The following GDF1 variants were observed in gnomAD, a reference collection of about 807,000 sequenced individuals.
The protein encoded by GDF1 is growth differentiation factor 1, also known as embryonic growth/differentiation factor 1.
GDF1 carries 8 observed loss-of-function variants against 7.4 expected under a neutral mutation model. The observed-to-expected ratio is 1.09, with a 90% CI of 0.64 to 1.96. GDF1 has a LOEUF of 1.96. Among genes scored for constraint, GDF1 ranks in the 30% most tolerant of loss-of-function variants. GDF1 has a pLI of 0.00. For missense variants in GDF1, 574 were observed against 551.5 expected (o/e 1.04, Z -0.41); for synonymous variants, 311 against 276.7 (o/e 1.12, Z -1.23).
At chr19:18,891,782 G>T (rs57534766) in intron 2 of GDF1, among the ~76,000 whole-genome samples, 1,982 of 151,708 alleles carry the variant, frequency 0.013, 41 homozygotes, top group African/African-American at 0.041. Flanking sequence ...TGTTGCCCCA[G>T]CTGCTCTTGA....
chr19:18,873,691 T>C (rs1392070674), intron 6 of GDF1, among the ~76,000 whole-genome samples: 2 of 150,728 alleles, frequency 1.3e-5, no homozygotes, highest in Non-Finnish European at 3.0e-5. Flanking sequence ...AAAATACAAC[T>C]ATTAGCCAGG....
chr19:18,885,669 A>G (rs1031649887), intron 2 of GDF1, among the ~76,000 whole-genome samples: 10 of 147,444 alleles, frequency 6.8e-5, no homozygotes, highest in Non-Finnish European at 1.5e-4. Flanking sequence ...ACAGGCACCC[A>G]CCACCATGCC....
At chr19:18,879,455 TC>T in intron 4 of GDF1, 67 bp from the exon 5 acceptor site, 2 of 1,527,226 alleles carry the variant, frequency 1.3e-6, no homozygotes, top group Non-Finnish European at 1.8e-6. Flanking sequence ...CCCTGTCCTA[TC>T]CCGTCCTAGA....
chr19:18,868,593 C>T lies in GDF1; in HGVS notation c.*4G>A, dbSNP rs1447011194. On this transcript the variant is annotated 3_prime_UTR_variant, in exon 8 of 8. Transcript: ENST00000247005. ...GTTGGGCCCGCGTCCCTGCCCGCCC[C>T]GGGTTAGCGGCAGCCGCACTCGTCC... 8.4e-6 allele frequency: 13 copies of T among 1,553,146 alleles called. 1 individual carries two copies. Among genetic ancestry groups the T allele is most frequent in the Non-Finnish European group, 9.6e-6 (11 of 1,147,438 alleles).
intron 2 of GDF1, 128 bp from the exon 3 acceptor site, chr19:18,884,395 C>T: frequency 2.6e-6 from 2 of 760,524 alleles, no homozygotes; most frequent in Non-Finnish European, 4.0e-6. Flanking sequence ...TGTCTGACTG[C>T]TGGCTTTCCA....
At chr19:18,871,733 C>T (rs899684318) in intron 6 of GDF1, among the ~76,000 whole-genome samples, 1 of 152,222 alleles carries the variant, frequency 6.6e-6, no homozygotes, top group African/African-American at 2.4e-5. Flanking sequence ...CTGTCCCCAT[C>T]CAAGGACTGT....
In GDF1 at chr19:18,895,952, C is replaced by T; in HGVS notation, c.-1202G>A. ...AGGCCGCGACGCGCCAGCCCCCAGCCGCAGTCCGTGCAGCCCCGCGCCGCC... is the reference window on the plus strand; with the variant it reads ...AGGCCGCGACGCGCCAGCCCCCAGCTGCAGTCCGTGCAGCCCCGCGCCGCC... On this transcript the variant is annotated 5_prime_UTR_variant, in exon 1 of 8. Transcript: ENST00000247005. The surrounding 1 kb of genome is among the most constrained non-coding windows in gnomAD (Gnocchi z 6.4). The T allele has an allele frequency of 8.7e-7, 1 of 1,155,236 alleles. No homozygotes were observed. The highest frequency in any genetic ancestry group is 2.5e-5 in the South Asian group (1 of 39,710). 71.6% of individuals were successfully genotyped at this position (1,155,236 alleles called of 1,614,324 possible).
chr19:18,887,670 G>T (rs1276237030), intron 2 of GDF1, among the ~76,000 whole-genome samples: 1 of 149,456 alleles, frequency 6.7e-6, no homozygotes, highest in Admixed American at 6.7e-5. Flanking sequence ...CTTAAACCCG[G>T]GAGGCGGAGG....
At position 18,884,155 on chromosome 19, in the gene GDF1, C is replaced by T. The variant is rs778674727; in HGVS notation, c.-801G>A. The T allele has an allele frequency of 3.7e-6, 6 of 1,613,802 alleles. No individual in the cohort carries two copies. The East Asian group carries it at 6.7e-5, about 18-fold the overall frequency. The stretch of plus-strand genomic sequence containing the variant: ...GGTGGAGCAGCATGACCACCGAGTC[C>T]TTGCGCCAGGTGTCCATGTATAGCG... On this transcript the variant is annotated 5_prime_UTR_variant, in exon 3 of 8. Transcript: ENST00000247005.
At chr19:18,894,715 T>C (rs2056583179) in intron 1 of GDF1, among the ~76,000 whole-genome samples, 1 of 151,896 alleles carries the variant, frequency 6.6e-6, no homozygotes, top group Non-Finnish European at 1.5e-5. Context: ...CCTCCCACAG[T>C]AGGGGTGTGG....
intron 6 of GDF1, among the ~76,000 whole-genome samples, chr19:18,875,583 A>ATTGAATTC (rs1358811221): frequency 3.2e-4 from 48 of 152,236 alleles, no homozygotes; most frequent in African/African-American, 1.2e-3. Flanking sequence ...CAACTGTTAA[A>ATTGAATTC]ACGGTAATCC....
chr19:18,871,207 G>A (rs1484874015), intron 6 of GDF1, among the ~76,000 whole-genome samples: 110 of 146,888 alleles, frequency 7.5e-4, no homozygotes, highest in East Asian at 4.0e-4. Context: ...ACAGGGGCAC[G>A]CCACCACTCC....
At position 18,870,711 on chromosome 19, in the gene GDF1, C is replaced by CT; in HGVS notation, c.-312-93dup. The CT allele has an allele frequency of 2.1e-6, 1 of 483,100 alleles. No homozygotes were observed. Among genetic ancestry groups the CT allele is most frequent in the South Asian group, 4.3e-5 (1 of 23,350 alleles). The allele number at this position is 483,100 out of a possible 1,614,324, so 29.9% of individuals were successfully genotyped here. On this transcript the variant is annotated intron_variant, in intron 6 of 7. Coordinates refer to ENST00000247005, the MANE Select transcript of GDF1 (RefSeq NM_001492.6). This position sits in a 1 kb window ranked among gnomAD's most constrained non-coding sequence, Gnocchi z 5.1. ...TTCTTCTCTGGCCGTTTCACACCCC[C>CT]TGGCTCCTTTTACCCGGCCAGGCCC...
intron 2 of GDF1, 117 bp from the exon 3 acceptor site, chr19:18,884,384 G>A (rs569406997): frequency 5.9e-5 from 54 of 907,816 alleles, no homozygotes; most frequent in South Asian, 5.6e-4. Context: ...GTAACCATGC[G>A]TGTCTGACTG....
At chr19:18,879,207 C>G in intron 5 of GDF1, 34 bp downstream of exon 5, 1 of 1,612,206 alleles carries the variant, frequency 6.2e-7, no homozygotes, top group Non-Finnish European at 8.5e-7. Flanking sequence ...GAGGACGGGA[C>G]CGCCACTGTG....
intron 6 of GDF1, among the ~76,000 whole-genome samples, chr19:18,875,624 T>C (rs1287550005): frequency 6.6e-6 from 1 of 152,112 alleles, no homozygotes; most frequent in African/African-American, 2.4e-5. Flanking sequence ...TGTGGAGAGC[T>C]TTCTTTTATT....
intron 3 of GDF1, among the ~76,000 whole-genome samples, chr19:18,881,365 T>C (rs1293497545): frequency 6.6e-6 from 1 of 151,760 alleles, no homozygotes; most frequent in Admixed American, 6.6e-5. Flanking sequence ...GCATTACAGG[T>C]ATGTGCCACC....
In GDF1 at chr19:18,870,832, CCCCTGGCA is replaced by C. The variant is rs932283451; in HGVS notation, c.-312-221_-312-214del. Among the ~76,000 whole-genome samples the C allele has an allele frequency of 2.6e-5, 4 of 152,120 alleles. No homozygotes were observed. Among genetic ancestry groups the C allele is most frequent in the Admixed American group, 2.0e-4 (3 of 15,270 alleles). ...ACCTGCCCCGTAGGCACGTATGTCC[CCCCTGGCA>C]CCCTGGCACTTCCTCCTTGCTTCCC... On this transcript the variant is annotated intron_variant, in intron 6 of 7. Coordinates refer to ENST00000247005, the MANE Select transcript of GDF1 (RefSeq NM_001492.6). The surrounding 1 kb of genome is among the most constrained non-coding windows in gnomAD (Gnocchi z 5.1).
chr19:18,874,486 T>TGCAGGGGCAGTG (rs1212396805), intron 6 of GDF1, among the ~76,000 whole-genome samples: 1 of 152,178 alleles, frequency 6.6e-6, no homozygotes, highest in Non-Finnish European at 1.5e-5. Context: ...TTAGAACTGC[T>TGCAGGGGCAGTG]GCAGGGGCAG....
Sources: allele counts gnomAD v4.1 joint callset (sites outside exome capture counted in the v4.1 genomes callset), GRCh38; gene constraint gnomAD v4.1.1; non-coding constraint Gnocchi (gnomAD v3.1); transcripts MANE v1.5; gene names NCBI Gene and HGNC (gene_info 2026-07-23, HGNC 2026-07-21).